Variants in ZNF718 observed in about 807,000 individuals in gnomAD.
ZNF718 encodes the protein zinc finger protein 718.
A neutral mutation model predicts 2.6 loss-of-function variants in ZNF718; 3 were observed. That is an observed-to-expected ratio of 1.16 (90% CI 0.53 to 3.01). The LOEUF (loss-of-function observed/expected upper bound fraction) is 3.01. ZNF718 is among the 30% of genes most tolerant of loss of function. The pLI, the probability that ZNF718 is intolerant of heterozygous loss-of-function variation, is 0.03. For synonymous variants in ZNF718, 135 were observed against 77.9 expected, an observed-to-expected ratio of 1.73 and a Z score of -3.86; for missense variants, 468 against 230.0, an observed-to-expected ratio of 2.03 and a Z score of -6.69.
At position 163,280 on chromosome 4, in the gene ZNF718, C is replaced by T. The variant is rs1255885127; in HGVS notation, c.*1158C>T. ...GGCTCACTGCAAGCTCTGCCTCCCCCTGGGTTCACGCCATTCTCCTGCCTC... is the reference window on the plus strand; with the variant it reads ...GGCTCACTGCAAGCTCTGCCTCCCCTTGGGTTCACGCCATTCTCCTGCCTC... On this transcript the variant is annotated 3_prime_UTR_variant, in exon 4 of 4. Coordinates refer to ENST00000510175, the MANE Select transcript of ZNF718 (RefSeq NM_001039127.6). The T allele has an allele frequency of 6.6e-6, 1 of 151,960 alleles. No homozygotes were observed. The highest frequency in any genetic ancestry group is 2.4e-5 in the African/African-American group (1 of 41,368). The allele number at this position is 151,960 out of a possible 1,614,324, so 9.4% of individuals were successfully genotyped here.
chr4:124,764 G>A, intron 1 of ZNF718, 91 bp downstream of exon 1: 1 of 1,544,766 alleles, frequency 6.5e-7, no homozygotes, highest in Non-Finnish European at 8.8e-7. Flanking sequence ...TGTGAATGGA[G>A]TTCCCGCTCA....
chr4:157,790 A>G (rs1316288141), intron 3 of ZNF718, among the ~76,000 whole-genome samples: 1 of 152,128 alleles, frequency 6.6e-6, no homozygotes, highest in African/African-American at 2.4e-5. Flanking sequence ...TGAGCTATTG[A>G]GAAGGGTGTG....
chr4:178,668 C>T (rs1553819424), intron 3 of ZNF718, among the ~76,000 whole-genome samples: 1 of 152,182 alleles, frequency 6.6e-6, no homozygotes, highest in East Asian at 1.9e-4. Flanking sequence ...CTTTCAAATG[C>T]CTCTTGGCCA....
chr4:138,097 A>G (rs1218917839), intron 3 of ZNF718, among the ~76,000 whole-genome samples: 1 of 152,238 alleles, frequency 6.6e-6, no homozygotes, highest in Non-Finnish European at 1.5e-5. Flanking sequence ...ATCAGGGTAA[A>G]TGGGTATTCA....
At chr4:125,675 A>G (rs1300653755) in intron 1 of ZNF718, among the ~76,000 whole-genome samples, 1 of 152,132 alleles carries the variant, frequency 6.6e-6, no homozygotes, top group African/African-American at 2.4e-5. Context: ...CCGGGGAGAA[A>G]GGGGACTGGG....
At chr4:125,499 G>A (rs1434873449) in intron 1 of ZNF718, among the ~76,000 whole-genome samples, 6 of 152,200 alleles carry the variant, frequency 3.9e-5, no homozygotes, top group African/African-American at 1.2e-4. Context: ...CCCCGTTGGG[G>A]TTGGAGCATT....
downstream of ZNF718, among the ~76,000 whole-genome samples, chr4:165,386 G>C (rs1553816594): frequency 6.6e-6 from 1 of 152,124 alleles, no homozygotes; most frequent in Admixed American, 6.6e-5. Context: ...AACAAAGTAT[G>C]TTAAATGAAA....
intron 3 of ZNF718, among the ~76,000 whole-genome samples, chr4:178,993 T>C (rs1581477842): frequency 6.6e-6 from 1 of 152,198 alleles, no homozygotes; most frequent in African/African-American, 2.4e-5. Flanking sequence ...CTCCTCCCTA[T>C]TTTTCTGAAC....
intron 3 of ZNF718, among the ~76,000 whole-genome samples, chr4:173,456 C>T (rs1717280599): frequency 6.6e-6 from 1 of 152,062 alleles, no homozygotes; most frequent in African/African-American, 2.4e-5. Context: ...AATTTTTAAT[C>T]TTTGGGAACC....
chr4:194,532 G>C (rs1384455863), intron 3 of ZNF718, among the ~76,000 whole-genome samples: 1 of 152,158 alleles, frequency 6.6e-6, no homozygotes, highest in Non-Finnish European at 1.5e-5. Context: ...ACCTGACTGA[G>C]ATATCAGAGA....
chr4:151,791 G>T (rs1346512004), intron 3 of ZNF718, among the ~76,000 whole-genome samples: 8 of 151,662 alleles, frequency 5.3e-5, no homozygotes, highest in African/African-American at 1.7e-4. Flanking sequence ...TCGTAAGGTG[G>T]GACGAGAGAT....
chr4:146,280 G>A (rs1716060790), intron 3 of ZNF718, among the ~76,000 whole-genome samples: 2 of 151,988 alleles, frequency 1.3e-5, no homozygotes, highest in Admixed American at 6.6e-5. Flanking sequence ...GTAAAGGACA[G>A]TTTTGTCAGG....
At chr4:149,671 A>G (rs1553812174) in intron 3 of ZNF718, 1 of 152,156 alleles carries the variant, frequency 6.6e-6, no homozygotes, top group Non-Finnish European at 1.5e-5. Flanking sequence ...ATTTGCCTGT[A>G]TAAATAGTGC....
chr4:141,971 A>G (rs1055530875), intron 3 of ZNF718: 7 of 516,848 alleles, frequency 1.4e-5, no homozygotes, highest in Non-Finnish European at 2.7e-5. Context: ...TTATTATGCT[A>G]CAGTATATTT....
At chr4:200,980 A>T (rs1227094616) in intron 3 of ZNF718, 1 of 152,420 alleles carries the variant, frequency 6.6e-6, no homozygotes, top group Admixed American at 6.5e-5. Flanking sequence ...TAAATTTGAC[A>T]CGCAGATACA....
At chr4:139,837 C>T (rs1260858938) in intron 3 of ZNF718, among the ~76,000 whole-genome samples, 2 of 152,162 alleles carry the variant, frequency 1.3e-5, no homozygotes, top group East Asian at 3.9e-4. Flanking sequence ...AGCACCTAAA[C>T]GTGGAGGCAA....
chr4:196,922 A>T (rs1263210028), intron 3 of ZNF718, among the ~76,000 whole-genome samples: 1 of 151,172 alleles, frequency 6.6e-6, no homozygotes, highest in Non-Finnish European at 1.5e-5. Context: ...GTCTGATATT[A>T]CTCACTGCTT....
chr4:137,770 G>A (rs1207081798), intron 3 of ZNF718, among the ~76,000 whole-genome samples: 1 of 150,802 alleles, frequency 6.6e-6, no homozygotes, highest in South Asian at 2.1e-4. Context: ...TTTCTTACTC[G>A]GGACTGACTA....
chr4:200,665 C>T (rs955375074), intron 3 of ZNF718, among the ~76,000 whole-genome samples: 4 of 152,000 alleles, frequency 2.6e-5, no homozygotes, highest in Non-Finnish European at 4.4e-5. Flanking sequence ...GGCATTAATA[C>T]AAAATTCCAA....
Sources: allele counts gnomAD v4.1 joint callset (sites outside exome capture counted in the v4.1 genomes callset), GRCh38; gene constraint gnomAD v4.1.1; transcripts MANE v1.5; gene names NCBI Gene and HGNC (gene_info 2026-07-23, HGNC 2026-07-21).